Variants in DCAF8L2 observed in about 807,000 individuals in gnomAD.
DCAF8L2 encodes the protein DDB1- and CUL4-associated factor 8-like protein 2.
For missense variants in DCAF8L2, 430 were observed against 490.7 expected (o/e 0.88, Z 1.17); for synonymous variants, 200 against 190.9 (o/e 1.05, Z -0.39).
At chrX:27,723,790 T>G (rs1252840556) in intron 4 of DCAF8L2, among the ~76,000 whole-genome samples, 2 of 111,288 alleles carry the variant, frequency 1.8e-5, no homozygotes, top group Non-Finnish European at 3.8e-5. Flanking sequence ...ACTGTAATAG[T>G]AAACAACTGT....
intron 1 of DCAF8L2, among the ~76,000 whole-genome samples, chrX:27,605,991 C>T (rs1007435440): frequency 2.8e-5 from 3 of 108,345 alleles, no homozygotes; most frequent in Non-Finnish European, 5.7e-5. Flanking sequence ...TAATTTGGTA[C>T]CACTTCCTTG....
At chrX:27,655,018 A>G (rs989292825) in intron 2 of DCAF8L2, among the ~76,000 whole-genome samples, 4 of 111,272 alleles carry the variant, frequency 3.6e-5, no homozygotes, top group Non-Finnish European at 7.5e-5. Flanking sequence ...TATCTATTCT[A>G]TCTCCACATT....
chrX:27,518,454 A>G, the DCAF8L2 span: 3 of 517,894 alleles, frequency 5.8e-6, no homozygotes, highest in Non-Finnish European at 1.0e-5. Context: ...GAAAAACAAA[A>G]AGGGGGTCAG....
chrX:27,577,365 G>A, the DCAF8L2 span, among the ~76,000 whole-genome samples: 412 of 111,696 alleles, frequency 3.7e-3, 1 homozygote, highest in Middle Eastern at 0.023. Context: ...AAAAGTTTAC[G>A]GAGTTGTGCC....
At chrX:27,740,301 C>T in intron 4 of DCAF8L2, among the ~76,000 whole-genome samples, 1 of 111,651 alleles carries the variant, frequency 9.0e-6, no homozygotes, top group Non-Finnish European at 1.9e-5. Flanking sequence ...TTTTCTCCAC[C>T]TCCACCATTC....
At chrX:27,701,586 T>C (rs372030036) in intron 3 of DCAF8L2, among the ~76,000 whole-genome samples, 60 of 111,101 alleles carry the variant, frequency 5.4e-4, no homozygotes, top group African/African-American at 1.9e-3. Flanking sequence ...TCAATAAACA[T>C]GTGGAAATTA....
chrX:27,615,238 G>GT (rs898246048), intron 1 of DCAF8L2, among the ~76,000 whole-genome samples: 9 of 111,618 alleles, frequency 8.1e-5, no homozygotes, highest in Non-Finnish European at 1.5e-4. Flanking sequence ...AGTCATTGCA[G>GT]TTTTTTTGAA....
chrX:27,643,642 C>T (rs1055999831), intron 2 of DCAF8L2, among the ~76,000 whole-genome samples: 5 of 111,618 alleles, frequency 4.5e-5, no homozygotes, highest in African/African-American at 9.8e-5. Context: ...TAATGTCCAA[C>T]GTTATTTTCC....
At chrX:27,600,236 A>G (rs1926579234) in intron 1 of DCAF8L2, among the ~76,000 whole-genome samples, 1 of 112,223 alleles carries the variant, frequency 8.9e-6, no homozygotes. Flanking sequence ...TAAATACAGT[A>G]AAACAAAATA....
At chrX:27,513,060 A>C in the DCAF8L2 span, among the ~76,000 whole-genome samples, 1 of 111,591 alleles carries the variant, frequency 9.0e-6, no homozygotes, top group East Asian at 2.8e-4. Flanking sequence ...GAATGAAACT[A>C]GACCCCTATC....
chrX:27,511,424 AAC>A, the DCAF8L2 span, among the ~76,000 whole-genome samples: 1 of 111,789 alleles, frequency 8.9e-6, no homozygotes, highest in African/African-American at 3.2e-5. Flanking sequence ...AGAGGAACAG[AAC>A]AGTTTGGCTC....
At chrX:27,516,133 A>G in the DCAF8L2 span, among the ~76,000 whole-genome samples, 1 of 111,379 alleles carries the variant, frequency 9.0e-6, no homozygotes, top group African/African-American at 3.3e-5. Context: ...CCAAATGGAA[A>G]GTAGCTGAAC....
chrX:27,634,213 C>T (rs1057281032), intron 2 of DCAF8L2, among the ~76,000 whole-genome samples: 1 of 111,722 alleles, frequency 9.0e-6, no homozygotes, highest in African/African-American at 3.3e-5. Flanking sequence ...CTGGTTTCTT[C>T]AAACGTTACT....
chrX:27,670,506 C>T (rs947720207), intron 2 of DCAF8L2, among the ~76,000 whole-genome samples: 1 of 111,493 alleles, frequency 9.0e-6, no homozygotes, highest in African/African-American at 3.3e-5. Context: ...AGCTTACATC[C>T]TTTTAGTGTT....
the DCAF8L2 span, among the ~76,000 whole-genome samples, chrX:27,564,774 G>T: frequency 1.8e-5 from 2 of 109,861 alleles, no homozygotes; most frequent in Non-Finnish European, 3.8e-5. Context: ...TGTCTATAAT[G>T]AACAACTAGT....
intron 4 of DCAF8L2, among the ~76,000 whole-genome samples, chrX:27,739,097 A>G (rs759728480): frequency 1.8e-5 from 2 of 110,727 alleles, no homozygotes; most frequent in South Asian, 3.9e-4. Flanking sequence ...CGTGTGATAA[A>G]TCTGATTTAA....
At chrX:27,657,781 A>G (rs1228470720) in intron 2 of DCAF8L2, among the ~76,000 whole-genome samples, 1 of 112,314 alleles carries the variant, frequency 8.9e-6, no homozygotes. Context: ...GTGATCAATA[A>G]TTATTCCTCG....
the DCAF8L2 span, among the ~76,000 whole-genome samples, chrX:27,512,799 A>AAC: frequency 1.0e-5 from 1 of 98,179 alleles, no homozygotes; most frequent in Non-Finnish European, 2.0e-5. Context: ...AAAAAAAAAA[A>AAC]AAAAAAAAAA....
intron 4 of DCAF8L2, 101 bp from the exon 5 acceptor site, chrX:27,746,737 T>C: frequency 6.4e-6 from 3 of 470,051 alleles, no homozygotes. Flanking sequence ...GGCAGAATAG[T>C]TTATTTAGTC....
Sources: gnomAD v4.1 joint callset for allele counts (sites outside exome capture counted in the v4.1 genomes callset) on GRCh38, gnomAD v4.1.1 for gene constraint, MANE v1.5 for transcripts, NCBI Gene and HGNC (gene_info 2026-07-23, HGNC 2026-07-21) for gene names.